MAST4: variants seen among roughly 807,000 people sequenced by gnomAD.
The protein encoded by MAST4 is microtubule associated serine/threonine kinase family member 4.
In MAST4, 89 loss-of-function variants were observed where a neutral mutation model predicts 162.7. The ratio of observed to expected loss-of-function variants is 0.55; its 90% CI spans 0.46 to 0.65. MAST4 has a LOEUF of 0.65. Ranked by LOEUF, MAST4 falls within the 30% of genes least tolerant of loss-of-function variation. The pLI, the probability that MAST4 is intolerant of heterozygous loss-of-function variation, is 0.00. For missense variants in MAST4, 3,153 were observed against 3,374.0 expected (o/e 0.93, Z 1.62); for synonymous variants, 1,479 against 1,361.1 (o/e 1.09, Z -1.91).
intron 4 of MAST4, among the ~76,000 whole-genome samples, chr5:66,999,017 G>C (rs1351140924): frequency 6.6e-6 from 1 of 152,216 alleles, no homozygotes; most frequent in Non-Finnish European, 1.5e-5. Flanking sequence ...AAGTGTTGCT[G>C]TCTACTTCAT....
chr5:66,924,278 A>G (rs992985914), intron 4 of MAST4, among the ~76,000 whole-genome samples: 2 of 152,224 alleles, frequency 1.3e-5, no homozygotes, highest in Admixed American at 1.3e-4. Flanking sequence ...AGGCATTCCC[A>G]GTAATTATTT....
At chr5:66,954,850 G>A (rs957807643) in intron 4 of MAST4, among the ~76,000 whole-genome samples, 3 of 150,842 alleles carry the variant, frequency 2.0e-5, no homozygotes, top group South Asian at 4.2e-4. Context: ...GCAGTGAGCC[G>A]AGATCACGCT....
chr5:66,654,682 AC>A (rs35624137), intron 1 of MAST4, among the ~76,000 whole-genome samples: 7,808 of 152,320 alleles, frequency 0.051, 219 homozygotes, highest in Admixed American at 0.1. Flanking sequence ...TTTTAATAGA[AC>A]AAATAACTTT....
intron 2 of MAST4, among the ~76,000 whole-genome samples, chr5:66,770,564 G>A (rs1430434920): frequency 6.6e-6 from 1 of 152,286 alleles, no homozygotes. Context: ...TCAGAGCCAC[G>A]CTGCAGCCTC....
At chr5:67,160,153 T>C (rs1000701186) in intron 26 of MAST4, among the ~76,000 whole-genome samples, 4 of 152,206 alleles carry the variant, frequency 2.6e-5, no homozygotes, top group African/African-American at 9.6e-5. Flanking sequence ...GGTAGGATTA[T>C]ATTGTTAATT....
At chr5:66,680,833 C>G (rs1019017977) in intron 1 of MAST4, among the ~76,000 whole-genome samples, 3 of 152,182 alleles carry the variant, frequency 2.0e-5, no homozygotes, top group Non-Finnish European at 4.4e-5. Context: ...CAAGATCTTT[C>G]AGGAGCCTCT....
In MAST4 at chr5:66,788,672, A is replaced by C. The variant is rs765996928; in HGVS notation, c.520A>C (p.Arg174=). 6.3e-7 allele frequency: 1 copy of C among 1,594,304 alleles called. No homozygotes were observed. The highest frequency in any genetic ancestry group is 8.5e-7 in the Non-Finnish European group (1 of 1,171,112). Residue 174 remains arginine (R), a splice_region_variant and synonymous_variant, in exon 3 of 29, where the codon AGG becomes CGG. Transcript: ENST00000403625. ...TTTCTTCTCTTTAACTCCAACAGGGAGGTACCTTCTTCCAAACCCGGTGGC... is the reference window on the plus strand; with the variant it reads ...TTTCTTCTCTTTAACTCCAACAGGGCGGTACCTTCTTCCAAACCCGGTGGC... ...RGSLGGALTG[R]YLLPNPVAGQ...
intron 11 of MAST4, among the ~76,000 whole-genome samples, chr5:67,113,677 C>T (rs1050760025): frequency 7.2e-5 from 11 of 152,068 alleles, no homozygotes; most frequent in Non-Finnish European, 5.9e-5. Context: ...TTCTAACATT[C>T]CTTTTGTTGC....
chr5:67,123,116 C>T (rs960480433), intron 14 of MAST4, among the ~76,000 whole-genome samples: 3 of 152,158 alleles, frequency 2.0e-5, no homozygotes, highest in Non-Finnish European at 4.4e-5. Context: ...AAATGTATCC[C>T]GCCACGGGTG....
At chr5:66,959,237 A>AT (rs1745697943) in intron 4 of MAST4, 1 of 779,710 alleles carries the variant, frequency 1.3e-6, no homozygotes, top group Non-Finnish European at 2.4e-6. Flanking sequence ...GTGTGCTAAC[A>AT]TATAACAACC....
intron 5 of MAST4, among the ~76,000 whole-genome samples, chr5:67,084,974 G>T (rs1763077758): frequency 6.6e-6 from 1 of 152,132 alleles, no homozygotes; most frequent in Non-Finnish European, 1.5e-5. Context: ...GCAATTAAAT[G>T]TAACATCGTT....
intron 1 of MAST4, among the ~76,000 whole-genome samples, chr5:66,756,730 A>C (rs1475018001): frequency 6.6e-6 from 1 of 152,228 alleles, no homozygotes; most frequent in Non-Finnish European, 1.5e-5. Context: ...TGTAGAAAGA[A>C]TAGTAAAGCC....
At chr5:67,056,244 A>G (rs555433928) in intron 5 of MAST4, among the ~76,000 whole-genome samples, 2 of 152,178 alleles carry the variant, frequency 1.3e-5, no homozygotes, top group African/African-American at 2.4e-5. Context: ...ATGAGGATAC[A>G]TTACTTCTAT....
chr5:66,994,697 A>G (rs1195963962), intron 4 of MAST4, among the ~76,000 whole-genome samples: 1 of 152,250 alleles, frequency 6.6e-6, no homozygotes, highest in African/African-American at 2.4e-5. Flanking sequence ...CAGTCTAACT[A>G]TATACAGACA....
chr5:66,951,638 G>GTGTATGTA (rs1744713770), intron 4 of MAST4, among the ~76,000 whole-genome samples: 1 of 149,394 alleles, frequency 6.7e-6, no homozygotes, highest in Admixed American at 6.6e-5. Flanking sequence ...GTGTGTGTGT[G>GTGTATGTA]TGTGTGTGTG....
At chr5:67,115,933 C>T (rs551599174) in intron 12 of MAST4, among the ~76,000 whole-genome samples, 1 of 151,892 alleles carries the variant, frequency 6.6e-6, no homozygotes, top group Admixed American at 6.5e-5. Flanking sequence ...TAGATTATAG[C>T]GACTCTTCAC....
At chr5:67,126,437 G>C (rs1411831370) in intron 14 of MAST4, among the ~76,000 whole-genome samples, 1 of 152,066 alleles carries the variant, frequency 6.6e-6, no homozygotes, top group Admixed American at 6.6e-5. Context: ...TTTAAGAAAG[G>C]GATCCAGTTT....
intron 4 of MAST4, among the ~76,000 whole-genome samples, chr5:67,037,001 A>T (rs116549080): frequency 1.2e-3 from 178 of 152,298 alleles, no homozygotes; most frequent in Middle Eastern, 6.8e-3. Context: ...AAAGAAATGT[A>T]TGTATAGGGG....
intron 5 of MAST4, among the ~76,000 whole-genome samples, chr5:67,088,413 G>A (rs1321906811): frequency 1.6e-4 from 25 of 152,260 alleles, no homozygotes; most frequent in Non-Finnish European, 1.0e-4. Context: ...TGGTGTGTGA[G>A]CAAATTGAAC....
Sources: gnomAD v4.1 joint callset for allele counts (sites outside exome capture counted in the v4.1 genomes callset) on GRCh38, gnomAD v4.1.1 for gene constraint, MANE v1.5 for transcripts, NCBI Gene and HGNC (gene_info 2026-07-23, HGNC 2026-07-21) for gene names.